The following CBFA2T2 variants were observed in gnomAD, a reference collection of about 807,000 sequenced individuals.
CBFA2T2 encodes the protein protein CBFA2T2.
CBFA2T2 carries 11 observed loss-of-function variants against 62.2 expected under a neutral mutation model. The ratio of observed to expected loss-of-function variants is 0.18; its 90% CI spans 0.11 to 0.29. The LOEUF (loss-of-function observed/expected upper bound fraction) is 0.29, where lower values mean the gene tolerates loss of function less well. Among genes scored for constraint, CBFA2T2 ranks in the 10% least tolerant of loss-of-function variants. The pLI, the probability that CBFA2T2 is intolerant of heterozygous loss-of-function variation, is 1.00. For synonymous variants in CBFA2T2, 295 were observed against 287.5 expected, an observed-to-expected ratio of 1.03 and a Z score of -0.27; for missense variants, 592 against 774.1, an observed-to-expected ratio of 0.76 and a Z score of 2.79.
chr20:33,629,253 T>C (rs909448103), intron 7 of CBFA2T2, among the ~76,000 whole-genome samples: 1 of 152,242 alleles, frequency 6.6e-6, no homozygotes. Context: ...TTCTAGGTAA[T>C]TCAACCCCCC....
chr20:33,539,029 T>C (rs2039505931), intron 1 of CBFA2T2, among the ~76,000 whole-genome samples: 1 of 152,252 alleles, frequency 6.6e-6, no homozygotes, highest in African/African-American at 2.4e-5. Context: ...CTGTCAATAA[T>C]TGGCATTTCT....
chr20:33,626,729 C>G (rs1203141278), intron 6 of CBFA2T2, among the ~76,000 whole-genome samples: 4 of 152,156 alleles, frequency 2.6e-5, no homozygotes, highest in Admixed American at 6.5e-5. Context: ...CTTACTTAGG[C>G]TCACTAGCAT....
rs6057866 is a variant in CBFA2T2 at position 33,531,135 on chromosome 20, G to A, written c.34+40834G>A. On this transcript the variant is annotated intron_variant, in intron 1 of 10. Transcript: ENST00000342704. ...GGCTTCTAGTTGCAGTAGGAGGGAC[G>A]AATTGAGAGCAAGGGTTTAAGGACT... 2.2e-3 allele frequency among the ~76,000 whole-genome samples: 330 copies of A among 152,260 alleles called. 3 individuals carry two copies. Among genetic ancestry groups the A allele is most frequent in the African/African-American group, 7.7e-3 (318 of 41,556 alleles).
intron 8 of CBFA2T2, 72 bp downstream of exon 8, chr20:33,629,986 C>T (rs746773423): frequency 7.5e-6 from 10 of 1,333,570 alleles, no homozygotes; most frequent in South Asian, 1.6e-5. Context: ...TCACAGAAGG[C>T]GTTTTCTACT....
Position 33,644,456 on chromosome 20 carries a change from T to G in CBFA2T2, c.1598T>G (p.Leu533Arg), listed in dbSNP as rs369774013. ...QHKDWERHHRLCGQNLHGQSP... is the reference protein window; with the variant it reads ...QHKDWERHHRRCGQNLHGQSP... The stretch of plus-strand genomic sequence containing the variant: ...AAGGACTGGGAGCGGCACCACCGCC[T>G]CTGTGGTCAGAACCTGCATGGCCAG... Residue 533 changes from leucine (L) to arginine (R), a missense_variant, in exon 11 of 11, where the codon CTC becomes CGC. By Grantham distance (102) the Leu-to-Arg change is moderately radical (BLOSUM62 -2). Coordinates refer to ENST00000342704, the MANE Select transcript of CBFA2T2 (RefSeq NM_001032999.3). The G allele has an allele frequency of 8.7e-6, 14 of 1,614,130 alleles. No homozygotes were observed. Among genetic ancestry groups the G allele is most frequent in the African/African-American group, 1.3e-5 (1 of 74,952 alleles).
At chr20:33,624,032 C>T (rs2016114287) in intron 5 of CBFA2T2, 5 of 540,328 alleles carry the variant, frequency 9.3e-6, no homozygotes, top group Non-Finnish European at 1.3e-5. Context: ...ATGTCAAACG[C>T]ATTTTTTTCT....
At chr20:33,571,065 A>G (rs1318739653) in intron 1 of CBFA2T2, among the ~76,000 whole-genome samples, 1 of 152,214 alleles carries the variant, frequency 6.6e-6, no homozygotes, top group African/African-American at 2.4e-5. Context: ...CTGACCTTCT[A>G]GAAATGTTAA....
intron 1 of CBFA2T2, among the ~76,000 whole-genome samples, chr20:33,545,439 C>CTTTCTTTCTTTCTTTCTTTCTT (rs1555833708): frequency 8.1e-5 from 12 of 148,146 alleles, no homozygotes; most frequent in South Asian, 4.3e-4. Flanking sequence ...CTCTTTCTTT[C>CTTTCTTTCTTTCTTTCTTTCTT]TCTTTCTTTC....
At chr20:33,546,292 A>G (rs899427569) in intron 1 of CBFA2T2, among the ~76,000 whole-genome samples, 19 of 152,146 alleles carry the variant, frequency 1.2e-4, no homozygotes, top group African/African-American at 4.6e-4. Flanking sequence ...TAGCAGCCAC[A>G]CTGTAAAGAC....
At chr20:33,641,194 G>A (rs1299545309) in intron 10 of CBFA2T2, among the ~76,000 whole-genome samples, 3 of 152,032 alleles carry the variant, frequency 2.0e-5, no homozygotes, top group African/African-American at 4.8e-5. Flanking sequence ...CACCACACCC[G>A]GCTAATTTTT....
intron 1 of CBFA2T2, among the ~76,000 whole-genome samples, chr20:33,534,081 G>T (rs1407928609): frequency 6.6e-6 from 1 of 152,094 alleles, no homozygotes; most frequent in East Asian, 1.9e-4. Context: ...CTCCTGCCTT[G>T]GCCTCCCAGA....
chr20:33,536,047 GAA>G (rs1384021183), intron 1 of CBFA2T2, among the ~76,000 whole-genome samples: 2 of 152,222 alleles, frequency 1.3e-5, no homozygotes, highest in African/African-American at 4.8e-5. Flanking sequence ...AGAACAAAAT[GAA>G]AAGTCTCACA....
chr20:33,586,699 C>T lies in CBFA2T2; in HGVS notation c.35-20257C>T, dbSNP rs184664788. ...GTTAAAGCATAAAGGGCCAAGGTGA[C>T]GTGTTTGGAAAGTATAGATAGAAGG... On this transcript the variant is annotated intron_variant, in intron 1 of 10. Transcript: ENST00000342704. Among the ~76,000 whole-genome samples the T allele has an allele frequency of 3.3e-4, 50 of 152,130 alleles. 1 individual carries two copies. In the East Asian group the frequency reaches 3.9e-3, roughly 12 times the overall value.
At chr20:33,626,464 C>T (rs1295697514) in intron 6 of CBFA2T2, among the ~76,000 whole-genome samples, 1 of 152,070 alleles carries the variant, frequency 6.6e-6, no homozygotes, top group African/African-American at 2.4e-5. Flanking sequence ...GGTTGTTGTT[C>T]CATTTGGAAT....
chr20:33,614,040 C>T lies in CBFA2T2; in HGVS notation c.420+2705C>T, dbSNP rs115256256. 4.0e-3 allele frequency among the ~76,000 whole-genome samples: 600 copies of T among 151,524 alleles called. 5 individuals carry two copies. The highest frequency in any genetic ancestry group is 0.014 in the African/African-American group (569 of 41,266). On this transcript the variant is annotated intron_variant, in intron 3 of 10. Coordinates refer to ENST00000342704, the MANE Select transcript of CBFA2T2 (RefSeq NM_001032999.3). ...TCTACTAAAAATACAAAAAATTAGC[C>T]GGGCGTGGAGCTTGCAGTGAGCCAA...
In CBFA2T2 at chr20:33,503,254, CTTT is replaced by C. The variant is rs557746879; in HGVS notation, c.34+12969_34+12971del. Reference sequence around the variant, plus strand: ...TGTATCTAAATTTCTTTCTTTCTTTCTTTTTTTTTTTTTTTTTTGAGATGGAGT... The same window carrying C: ...TGTATCTAAATTTCTTTCTTTCTTTCTTTTTTTTTTTTTTTGAGATGGAGT... On this transcript the variant is annotated intron_variant, in intron 1 of 10. Transcript: ENST00000342704. 4.6e-5 allele frequency among the ~76,000 whole-genome samples: 5 copies of C among 108,658 alleles called. No homozygotes were observed. The Admixed American group carries it at 4.7e-4, about 10-fold the overall frequency. 71.3% of individuals were successfully genotyped at this position (108,658 alleles called of 152,430 possible). A position where few individuals can be genotyped will look rare whatever the true frequency, so the allele number is the denominator to read the frequency against.
intron 2 of CBFA2T2, among the ~76,000 whole-genome samples, chr20:33,610,089 C>T (rs1049321783): frequency 1.3e-5 from 2 of 152,104 alleles, no homozygotes; most frequent in Non-Finnish European, 2.9e-5. Context: ...TGAGACCAGC[C>T]TGGGCAATAT....
intron 1 of CBFA2T2, among the ~76,000 whole-genome samples, chr20:33,493,753 TCAGCTTC>T (rs1187919106): frequency 6.8e-6 from 1 of 147,008 alleles, no homozygotes; most frequent in Non-Finnish European, 1.5e-5. Context: ...TCCTCCTGCC[TCAGCTTC>T]CCGGTATTGG....
intron 1 of CBFA2T2, chr20:33,562,691 AT>A: frequency 1.0e-6 from 1 of 984,772 alleles, no homozygotes; most frequent in African/African-American, 1.7e-5. Flanking sequence ...ACATTTTAAT[AT>A]AGTTTTGGGG....
Sources: gnomAD v4.1 joint callset for allele counts (sites outside exome capture counted in the v4.1 genomes callset) on GRCh38, gnomAD v4.1.1 for gene constraint, MANE v1.5 for transcripts, NCBI Gene and HGNC (gene_info 2026-07-23, HGNC 2026-07-21) for gene names.